SYNCRIP: variants seen among roughly 807,000 people sequenced by gnomAD.
SYNCRIP encodes the protein heterogeneous nuclear ribonucleoprotein Q.
A neutral mutation model predicts 68.9 loss-of-function variants in SYNCRIP; 9 were observed. The observed-to-expected ratio is 0.13, with a 90% CI of 0.08 to 0.23. The LOEUF (loss-of-function observed/expected upper bound fraction) is 0.23. SYNCRIP is among the 10% of genes least tolerant of loss of function. SYNCRIP has a pLI of 1.00. For missense variants in SYNCRIP, 414 were observed against 770.6 expected (o/e 0.54, Z 5.48); for synonymous variants, 258 against 254.0 (o/e 1.02, Z -0.15).
intron 6 of SYNCRIP, among the ~76,000 whole-genome samples, chr6:85,631,481 C>T (rs1562100044): frequency 6.6e-6 from 1 of 152,082 alleles, no homozygotes; most frequent in African/African-American, 2.4e-5. Context: ...CACAGGAATG[C>T]TGTGATCTAA....
intron 6 of SYNCRIP, among the ~76,000 whole-genome samples, chr6:85,624,705 T>C (rs1806838996): frequency 6.6e-6 from 1 of 152,144 alleles, no homozygotes; most frequent in South Asian, 2.1e-4. Context: ...AAAACTACAG[T>C]AAAAAGTAAA....
At chr6:85,625,768 C>T (rs1334585254) in intron 6 of SYNCRIP, among the ~76,000 whole-genome samples, 4 of 152,150 alleles carry the variant, frequency 2.6e-5, no homozygotes, top group Non-Finnish European at 4.4e-5. Flanking sequence ...CCTCTGGATA[C>T]CTGTAAATTA....
chr6:85,619,174 CA>C lies in SYNCRIP; in HGVS notation c.1158+93del, dbSNP rs147922612. ...AGTTTGAATGGATTCCATGGACTTC[CA>C]AAGTCTCCTCCAATTTGTAAAACTA... On this transcript the variant is annotated intron_variant, in intron 9 of 10. Coordinates refer to ENST00000369622, the MANE Select transcript of SYNCRIP (RefSeq NM_006372.5). 1.9e-3 allele frequency: 2,962 copies of C among 1,530,922 alleles called. 50 individuals are homozygous for C. In the African/African-American group the frequency reaches 0.037, roughly 19 times the overall value. 94.8% of individuals were successfully genotyped at this position (1,530,922 alleles called of 1,614,324 possible).
At position 85,614,583 on chromosome 6, in the gene SYNCRIP, T is replaced by C; in HGVS notation, c.*173A>G. 7.8e-7 allele frequency: 1 copy of C among 1,287,536 alleles called. No individual in the cohort carries two copies. Among genetic ancestry groups the C allele is most frequent in the Non-Finnish European group, 9.8e-7 (1 of 1,019,300 alleles). The allele number at this position is 1,287,536 out of a possible 1,614,324, so 79.8% of individuals were successfully genotyped here. A position where few individuals can be genotyped will look rare whatever the true frequency, so the allele number is the denominator to read the frequency against. ...TGAAAAAAATTAAAAATAAAATCAG[T>C]TCGCCAGAAGCAGTTAGAAGTGTGG... On this transcript the variant is annotated 3_prime_UTR_variant, in exon 11 of 11. Coordinates refer to ENST00000369622, the MANE Select transcript of SYNCRIP (RefSeq NM_006372.5).
intron 1 of SYNCRIP, 53 bp downstream of exon 1, chr6:85,642,744 C>G (rs1197572325): frequency 6.5e-6 from 1 of 153,006 alleles, no homozygotes; most frequent in Non-Finnish European, 1.5e-5. Flanking sequence ...CCCCAGCTCA[C>G]TCCACAATGT....
rs1809120655 is a variant in SYNCRIP at position 85,641,378 on chromosome 6, A to C, written c.62T>G (p.Val21Gly). ...TGTCTGAAAATTTTCTGAATGGATA[A>C]CTGCAGAAGTAGTATCCATGGGCTC... ...TEEPMDTTSA[V>G]IHSENFQTLL... Residue 21 changes from valine (V) to glycine (G), a missense_variant, in exon 2 of 11, where the codon GTT becomes GGT. Coordinates refer to ENST00000369622, the MANE Select transcript of SYNCRIP (RefSeq NM_006372.5). 1 of 1,612,700 alleles carries C rather than the reference A, an allele frequency of 6.2e-7. No homozygotes were observed. Among genetic ancestry groups the C allele is most frequent in the Admixed American group, 1.7e-5 (1 of 60,008 alleles).
At position 85,621,918 on chromosome 6, in the gene SYNCRIP, G is replaced by A. The variant is rs558993714; in HGVS notation, c.1008+564C>T. ...GAAGTCAACTGTCTACAGCATGTAG[G>A]CGACTTCATTACAAGATTGTGATGG... On this transcript the variant is annotated intron_variant, in intron 8 of 10. Transcript: ENST00000369622. Among the ~76,000 whole-genome samples the A allele has an allele frequency of 5.9e-5, 9 of 152,256 alleles. No homozygotes were observed. In the East Asian group the frequency reaches 1.5e-3, roughly 26 times the overall value.
intron 10 of SYNCRIP, 41 bp downstream of exon 10, chr6:85,618,777 T>C: frequency 6.7e-7 from 1 of 1,501,712 alleles, no homozygotes; most frequent in Non-Finnish European, 9.0e-7. Flanking sequence ...TGTATAAATA[T>C]TAAAATTTAT....
chr6:85,619,824 C>T lies in SYNCRIP; in HGVS notation c.1009-407G>A, dbSNP rs537495854. Among the ~76,000 whole-genome samples the T allele has an allele frequency of 1.2e-3, 177 of 152,276 alleles. 1 individual carries two copies. Among genetic ancestry groups the T allele is most frequent in the African/African-American group, 3.9e-3 (162 of 41,560 alleles). ...ATAGCCCCTTTGAAAGACAGTTTGGCGATTTCTTACAAAACTAAACACACA... is the reference window on the plus strand; with the variant it reads ...ATAGCCCCTTTGAAAGACAGTTTGGTGATTTCTTACAAAACTAAACACACA... On this transcript the variant is annotated intron_variant, in intron 8 of 10. Coordinates refer to ENST00000369622, the MANE Select transcript of SYNCRIP (RefSeq NM_006372.5).
In SYNCRIP at chr6:85,618,953, A is replaced by AT. The variant is rs768583329; in HGVS notation, c.1159-15dup. 1 of 1,592,896 alleles carries AT rather than the reference A, an allele frequency of 6.3e-7. No homozygotes were observed. The highest frequency in any genetic ancestry group is 1.8e-5 in the Admixed American group (1 of 56,954). ...TTCTTCCATAGCCTTAAAAAATTAG[A>AT]TAAGTCAATATAAAAATAGGACTTT... is the stretch of plus-strand genomic sequence containing the variant. On this transcript the variant is annotated splice_polypyrimidine_tract_variant and intron_variant, in intron 9 of 10. Coordinates refer to ENST00000369622, the MANE Select transcript of SYNCRIP (RefSeq NM_006372.5).
chr6:85,615,988 A>T (rs1247119739), intron 10 of SYNCRIP, among the ~76,000 whole-genome samples: 2 of 152,250 alleles, frequency 1.3e-5, no homozygotes, highest in Non-Finnish European at 2.9e-5. Context: ...CTGTTTCTAC[A>T]ATAATGCTAT....
intron 6 of SYNCRIP, among the ~76,000 whole-genome samples, chr6:85,628,471 T>C (rs1213467841): frequency 1.3e-5 from 2 of 152,228 alleles, no homozygotes; most frequent in Non-Finnish European, 1.5e-5. Context: ...CACAAGCACA[T>C]GACTCAGTTG....
intron 6 of SYNCRIP, among the ~76,000 whole-genome samples, chr6:85,626,420 C>T (rs1347502774): frequency 6.6e-6 from 1 of 150,994 alleles, no homozygotes; most frequent in Non-Finnish European, 1.5e-5. Flanking sequence ...TGTGTAAAGG[C>T]AAAAACAGGA....
rs766845026 is a variant in SYNCRIP at position 85,641,277 on chromosome 6, AGT to A, written c.148+13_148+14del. On this transcript the variant is annotated intron_variant, in intron 2 of 10. Transcript: ENST00000369622. ...AAAAATTTCATAATGTAATTTTGCA[AGT>A]GTTAGTTCTTACCTGCAACGTAAAT... is the stretch of plus-strand genomic sequence containing the variant. 5 of 1,586,706 alleles carry A rather than the reference AGT, an allele frequency of 3.2e-6. No individual in the cohort carries two copies. The highest frequency in any genetic ancestry group is 4.3e-6 in the Non-Finnish European group (5 of 1,168,734).
intron 4 of SYNCRIP, among the ~76,000 whole-genome samples, chr6:85,639,990 G>A (rs566078477): frequency 1.3e-5 from 2 of 151,974 alleles, no homozygotes; most frequent in South Asian, 2.1e-4. Flanking sequence ...CTTTATACTA[G>A]GACTACCAAT....
chr6:85,629,167 A>G (rs141409087), intron 6 of SYNCRIP, among the ~76,000 whole-genome samples: 1 of 152,162 alleles, frequency 6.6e-6, no homozygotes, highest in Non-Finnish European at 1.5e-5. Context: ...TCCACAAAAC[A>G]CTGCTTCAAC....
At chr6:85,632,193 G>C (rs1476819531) in intron 6 of SYNCRIP, among the ~76,000 whole-genome samples, 1 of 152,152 alleles carries the variant, frequency 6.6e-6, no homozygotes, top group Admixed American at 6.5e-5. Flanking sequence ...ATTCATTGCT[G>C]TATCAGTATT....
downstream of SYNCRIP, chr6:85,611,098 C>T (rs114797392): frequency 3.9e-4 from 59 of 152,094 alleles, no homozygotes; most frequent in African/African-American, 1.4e-3. Flanking sequence ...ATACAACATA[C>T]TAAAATGATT....
chr6:85,616,945 C>G lies in SYNCRIP; in HGVS notation c.1281-1598G>C, dbSNP rs141433452. Among the ~76,000 whole-genome samples, 447 of 152,174 alleles carry G rather than the reference C, an allele frequency of 2.9e-3. 1 individual carries two copies. The highest frequency in any genetic ancestry group is 0.01 in the African/African-American group (422 of 41,510). On this transcript the variant is annotated intron_variant, in intron 10 of 10. Coordinates refer to ENST00000369622, the MANE Select transcript of SYNCRIP (RefSeq NM_006372.5). ...GTCCTACAACGCACAGGGCAGCCCC[C>G]AAGACCAAGAATTATCCAGCCCAAA...
Sources: allele counts gnomAD v4.1 joint callset (sites outside exome capture counted in the v4.1 genomes callset), GRCh38; gene constraint gnomAD v4.1.1; transcripts MANE v1.5; gene names NCBI Gene and HGNC (gene_info 2026-07-23, HGNC 2026-07-21).